HTT: variants seen among roughly 807,000 people sequenced by gnomAD.
HTT encodes the protein huntingtin.
HTT carries 104 observed loss-of-function variants against 362.3 expected under a neutral mutation model. That is an observed-to-expected ratio of 0.29 (90% CI 0.24 to 0.34). The LOEUF is 0.34. Among genes scored for constraint, HTT ranks in the 10% least tolerant of loss-of-function variants. The probability of loss-of-function intolerance (pLI) is 1.00; values close to 1 mark genes in which losing one functional copy is unlikely to be tolerated. For missense variants in HTT, 3,301 were observed against 3,928.6 expected, an observed-to-expected ratio of 0.84 and a Z score of 4.27; for synonymous variants, 1,577 against 1,548.7, an observed-to-expected ratio of 1.02 and a Z score of -0.43.
intron 55 of HTT, among the ~76,000 whole-genome samples, chr4:3,223,765 G>T (rs896950128): frequency 1.3e-5 from 2 of 152,218 alleles, no homozygotes; most frequent in African/African-American, 4.8e-5. Context: ...AGGAACTGAC[G>T]TGGGGTTATT....
At chr4:3,138,093 C>CTTCCTTCT (rs1480315619) in intron 21 of HTT, among the ~76,000 whole-genome samples, 2 of 149,102 alleles carry the variant, frequency 1.3e-5, no homozygotes, top group East Asian at 3.9e-4. Context: ...TCCTTCCTTC[C>CTTCCTTCT]TTCCTTCTTT....
chr4:3,168,626 C>T (rs188156288), intron 29 of HTT, among the ~76,000 whole-genome samples: 12 of 152,162 alleles, frequency 7.9e-5, no homozygotes, highest in Admixed American at 3.9e-4. Context: ...ATATTATAGA[C>T]GATTTTTCAT....
intron 6 of HTT, among the ~76,000 whole-genome samples, chr4:3,111,489 G>C (rs1306502822): frequency 6.6e-6 from 1 of 152,118 alleles, no homozygotes; most frequent in Non-Finnish European, 1.5e-5. Context: ...CCCATCATTA[G>C]ATCTTTAAAT....
At chr4:3,178,557 G>T (rs1718351566) in intron 35 of HTT, 111 bp downstream of exon 35, 2 of 882,256 alleles carry the variant, frequency 2.3e-6, no homozygotes, top group Non-Finnish European at 3.6e-6. Context: ...TGCTTCTCAG[G>T]CTCTGCATGT....
At position 3,113,055 on chromosome 4, in the gene HTT, ATG is replaced by A. The variant is rs1047246179; in HGVS notation, c.748-2247_748-2246del. The A allele has an allele frequency of 1.8e-4, 178 of 965,296 alleles. No individual in the cohort carries two copies. In the Middle Eastern group the frequency reaches 3.7e-3, roughly 20 times the overall value. 59.8% of individuals were successfully genotyped at this position (965,296 alleles called of 1,614,324 possible). A position where few individuals can be genotyped will look rare whatever the true frequency, so the allele number is the denominator to read the frequency against. On this transcript the variant is annotated intron_variant, in intron 6 of 66. Coordinates refer to ENST00000355072, the MANE Select transcript of HTT (RefSeq NM_001388492.1). ...TCCCTTTTGAAGTACTCTTACAGGT[ATG>A]TTGTGCATGTGTTGAAAAGTGGCAC...
In HTT at chr4:3,142,847, T is replaced by G; in HGVS notation, c.3027T>G (p.Val1009=). The change falls in exon 23 of 67, where the codon GTT becomes GTG. Residue 1009 remains valine (V), a synonymous_variant. Coordinates refer to ENST00000355072, the MANE Select transcript of HTT (RefSeq NM_001388492.1). ...ENNLSRVIAA[V]SHELITSTTR... ...ACCTTTCAAGAGTTATTGCAGCAGT[T>G]TCTCATGAACTAATCACATCAACCA... is the stretch of plus-strand genomic sequence containing the variant. The G allele has an allele frequency of 1.9e-6, 3 of 1,611,402 alleles. No individual in the cohort carries two copies. The highest frequency in any genetic ancestry group is 2.5e-6 in the Non-Finnish European group (3 of 1,177,606).
chr4:3,083,528 TATACACACACACACAC>T (rs1389300594), intron 1 of HTT, among the ~76,000 whole-genome samples: 8 of 83,926 alleles, frequency 9.5e-5, no homozygotes, highest in South Asian at 4.0e-4. Context: ...TGTCTCTAAA[TATACACACACACACAC>T]ACACACACAC....
At chr4:3,156,436 A>G (rs1415205015) in intron 27 of HTT, among the ~76,000 whole-genome samples, 1 of 152,148 alleles carries the variant, frequency 6.6e-6, no homozygotes, top group Non-Finnish European at 1.5e-5. Flanking sequence ...GTTTTAAAAG[A>G]TGCTCTTTTC....
Position 3,228,667 on chromosome 4 carries a change from A to G in HTT, c.7901A>G (p.Glu2634Gly). The change falls in exon 58 of 67, where the codon GAG becomes GGG. Residue 2634 changes from glutamate (E) to glycine (G), a missense_variant. Physicochemically the swap from Glu to Gly is moderately conservative, Grantham distance 98 (BLOSUM62 -2). Transcript: ENST00000355072. The surrounding 1 kb of genome is among the most constrained non-coding windows in gnomAD (Gnocchi z 4.3). ...AACAGCATCACACCCCTGAGGGAGG[A>G]GGAATGGGACGAGGAAGAGGAGGAG... is the stretch of plus-strand genomic sequence containing the variant. The part of the protein sequence containing the change: ...LGNSITPLRE[E>G]EWDEEEEEEA... The G allele has an allele frequency of 6.2e-7, 1 of 1,609,328 alleles. No homozygotes were observed. The highest frequency in any genetic ancestry group is 8.5e-7 in the Non-Finnish European group (1 of 1,177,524).
intron 60 of HTT, among the ~76,000 whole-genome samples, chr4:3,232,477 G>A (rs1721302656): frequency 6.6e-6 from 1 of 152,190 alleles, no homozygotes; most frequent in Non-Finnish European, 1.5e-5. Flanking sequence ...TGGGCTAAGT[G>A]TTTAGGTCGA....
chr4:3,114,193 C>T (rs899539025), intron 6 of HTT, among the ~76,000 whole-genome samples: 10 of 152,230 alleles, frequency 6.6e-5, no homozygotes, highest in Non-Finnish European at 1.2e-4. Flanking sequence ...AGGCACAGAT[C>T]GCTCATGCTA....
In HTT at chr4:3,206,313, G is replaced by A. The variant is rs769220384; in HGVS notation, c.5719-183G>A. Among the ~76,000 whole-genome samples, 1 of 152,216 alleles carries A rather than the reference G, an allele frequency of 6.6e-6. No individual in the cohort carries two copies. Among genetic ancestry groups the A allele is most frequent in the Non-Finnish European group, 1.5e-5 (1 of 68,020 alleles). ...GCCGCAGTGCGTGGTTGGAGGTGACGGCCTTGGTAAATCGAGTTTCCTACC... is the reference window on the plus strand; with the variant it reads ...GCCGCAGTGCGTGGTTGGAGGTGACAGCCTTGGTAAATCGAGTTTCCTACC... On this transcript the variant is annotated intron_variant, in intron 42 of 66. Coordinates refer to ENST00000355072, the MANE Select transcript of HTT (RefSeq NM_001388492.1). The surrounding 1 kb of genome is among the most constrained non-coding windows in gnomAD (Gnocchi z 4.6).
rs1401417574 is a variant in HTT, at chr4:3,131,839, A to G, written c.2236+64A>G. 5 of 1,499,472 alleles carry G rather than the reference A, an allele frequency of 3.3e-6. No homozygotes were observed. In the African/African-American group the frequency reaches 6.9e-5, roughly 21 times the overall value. 92.9% of individuals were successfully genotyped at this position (1,499,472 alleles called of 1,614,324 possible). A position where few individuals can be genotyped will look rare whatever the true frequency, so the allele number is the denominator to read the frequency against. ...TCATTATTGTAAAAACTATTTCAGT[A>G]TTGACTATTTTAGTTTTAGAGCAGT... On this transcript the variant is annotated intron_variant, in intron 16 of 66. Coordinates refer to ENST00000355072, the MANE Select transcript of HTT (RefSeq NM_001388492.1).
Position 3,114,020 on chromosome 4 carries a change from C to G in HTT, c.748-1284C>G, listed in dbSNP as rs954893998. Among the ~76,000 whole-genome samples the G allele has an allele frequency of 9.9e-5, 15 of 152,246 alleles. No individual in the cohort carries two copies. The South Asian group carries it at 1.0e-3, about 11-fold the overall frequency. On this transcript the variant is annotated intron_variant, in intron 6 of 66. Coordinates refer to ENST00000355072, the MANE Select transcript of HTT (RefSeq NM_001388492.1). ...CTCACAGCCTTTAGAGCTGAGAGCC[C>G]TGAACAGAGATTTACCCACATATTT...
chr4:3,177,221 A>T (rs1055523641), intron 33 of HTT, 111 bp from the exon 34 acceptor site: 14 of 731,548 alleles, frequency 1.9e-5, no homozygotes, highest in Middle Eastern at 3.3e-4. Flanking sequence ...CAAATTTATC[A>T]GCTGTCAAGA....
intron 16 of HTT, among the ~76,000 whole-genome samples, chr4:3,132,331 C>T (rs559007570): frequency 3.1e-4 from 47 of 151,922 alleles, no homozygotes; most frequent in Non-Finnish European, 6.2e-4. Context: ...GAATTATAAT[C>T]CAGAAAGTCT....
chr4:3,125,730 G>A (rs915451092), intron 11 of HTT, 101 bp downstream of exon 11: 3 of 824,488 alleles, frequency 3.6e-6, no homozygotes, highest in Admixed American at 1.9e-5. Context: ...CAGCACGACT[G>A]GGGGCAGCAG....
At chr4:3,209,524 C>T (rs140192027) in intron 46 of HTT, among the ~76,000 whole-genome samples, 52 of 152,342 alleles carry the variant, frequency 3.4e-4, no homozygotes, top group African/African-American at 1.2e-3. Flanking sequence ...ATGAGTAAAG[C>T]AGACAACCCA....
chr4:3,221,500 C>T (rs1181099597), intron 53 of HTT, among the ~76,000 whole-genome samples: 4 of 152,200 alleles, frequency 2.6e-5, no homozygotes, highest in Non-Finnish European at 5.9e-5. Context: ...TTCCCTGTAA[C>T]GTAAATTGTT....
Sources: allele counts gnomAD v4.1 joint callset (sites outside exome capture counted in the v4.1 genomes callset), GRCh38; gene constraint gnomAD v4.1.1; non-coding constraint Gnocchi (gnomAD v3.1); transcripts MANE v1.5; gene names NCBI Gene and HGNC (gene_info 2026-07-23, HGNC 2026-07-21).